The following PRRC2B variants were observed in gnomAD, a reference collection of about 807,000 sequenced individuals.
The protein encoded by PRRC2B is protein PRRC2B.
PRRC2B carries 68 observed loss-of-function variants against 242.3 expected under a neutral mutation model. That is an observed-to-expected ratio of 0.28 (90% CI 0.23 to 0.34). The LOEUF is 0.34. PRRC2B is among the 10% of genes least tolerant of loss of function. The pLI, the probability that PRRC2B is intolerant of heterozygous loss-of-function variation, is 1.00. For missense variants in PRRC2B, 2,835 were observed against 2,954.8 expected, an observed-to-expected ratio of 0.96 and a Z score of 0.94; for synonymous variants, 1,228 against 1,173.6, an observed-to-expected ratio of 1.05 and a Z score of -0.95.
chr9:131,408,266 A>G (rs914493034), intron 1 of PRRC2B, among the ~76,000 whole-genome samples: 4 of 152,282 alleles, frequency 2.6e-5, no homozygotes, highest in African/African-American at 9.6e-5. Flanking sequence ...CTTTCTATGG[A>G]CACAAACGAA....
intron 10 of PRRC2B, among the ~76,000 whole-genome samples, chr9:131,457,365 G>A (rs1943111360): frequency 6.6e-6 from 1 of 152,186 alleles, no homozygotes; most frequent in Non-Finnish European, 1.5e-5. Context: ...TCTCTTTGAG[G>A]CGATGGGAAC....
intron 13 of PRRC2B, among the ~76,000 whole-genome samples, chr9:131,470,548 T>C (rs926486722): frequency 6.6e-6 from 1 of 152,096 alleles, no homozygotes; most frequent in African/African-American, 2.4e-5. Context: ...CAGGCACAGA[T>C]GAGCCTCCAT....
intron 19 of PRRC2B, among the ~76,000 whole-genome samples, chr9:131,481,377 TTAGAAA>T (rs967230943): frequency 9.2e-5 from 14 of 151,462 alleles, no homozygotes; most frequent in African/African-American, 3.4e-4. Context: ...CTACCAACTT[TTAGAAA>T]TAGTATAAGT....
chr9:131,442,145 T>TG (rs1468152104), intron 5 of PRRC2B, among the ~76,000 whole-genome samples: 19 of 152,096 alleles, frequency 1.2e-4, no homozygotes, highest in Non-Finnish European at 1.9e-4. Flanking sequence ...TTTGTTTGTT[T>TG]TTTTTTAGGC....
At chr9:131,397,444 G>T (rs1367456036) in intron 1 of PRRC2B, among the ~76,000 whole-genome samples, 4 of 151,970 alleles carry the variant, frequency 2.6e-5, no homozygotes, top group Admixed American at 2.6e-4. Context: ...CCTTTGCCTT[G>T]TGCTTAGCTG....
At position 131,479,371 on chromosome 9, in the gene PRRC2B, G is replaced by A. The variant is rs996148234; in HGVS notation, c.4878G>A (p.Glu1626=). The A allele has an allele frequency of 1.1e-5, 17 of 1,613,810 alleles. No individual in the cohort carries two copies. The highest frequency in any genetic ancestry group is 2.2e-5 in the East Asian group (1 of 44,876). Residue 1626 remains glutamate (E), a synonymous_variant, in exon 19 of 32, where the codon GAG becomes GAA. Coordinates refer to ENST00000683519, the MANE Select transcript of PRRC2B (RefSeq NM_013318.4). ...TGCCTGGCAGCAGCCTGGGCACTGAGATCTGGGAGAGCAGCAGCCAGGGTG... is the reference window on the plus strand; with the variant it reads ...TGCCTGGCAGCAGCCTGGGCACTGAAATCTGGGAGAGCAGCAGCCAGGGTG... ...VTVPGSSLGT[E]IWESSSQALP... is the part of the protein sequence containing the mutation.
chr9:131,491,023 G>A (rs991234625), intron 28 of PRRC2B: 4 of 236,614 alleles, frequency 1.7e-5, no homozygotes, highest in African/African-American at 9.0e-5. Flanking sequence ...GCCCATGTTG[G>A]ACAGGGCCCT....
At chr9:131,488,216 G>C in intron 28 of PRRC2B, 120 bp downstream of exon 28, 1 of 1,369,294 alleles carries the variant, frequency 7.3e-7, no homozygotes, top group Non-Finnish European at 9.7e-7. Context: ...GGTAGCCACC[G>C]TGCCCATTCC....
chr9:131,491,298 T>C (rs773295573), intron 28 of PRRC2B, 127 bp from the exon 29 acceptor site: 3 of 962,752 alleles, frequency 3.1e-6, no homozygotes, highest in Non-Finnish European at 4.5e-6. Context: ...TGTCCTGCTT[T>C]ATGCAGGCTT....
intron 9 of PRRC2B, among the ~76,000 whole-genome samples, chr9:131,448,543 CAAAAAAA>C (rs754661321): frequency 0.03 from 1,208 of 39,822 alleles, 65 homozygotes; most frequent in Non-Finnish European, 0.031. Flanking sequence ...GACACTGTCT[CAAAAAAA>C]AAAAAAAAAA....
At chr9:131,410,634 T>G (rs747683286) in intron 1 of PRRC2B, among the ~76,000 whole-genome samples, 1 of 152,250 alleles carries the variant, frequency 6.6e-6, no homozygotes, top group Non-Finnish European at 1.5e-5. Flanking sequence ...GGAGCCTTCA[T>G]GTCTATAAAA....
In PRRC2B at chr9:131,486,155, G is replaced by A. The variant is rs777007357; in HGVS notation, c.5829G>A (p.Thr1943=). Residue 1943 remains threonine (T), a synonymous_variant, in exon 26 of 32, where the codon ACG becomes ACA. Coordinates refer to ENST00000683519, the MANE Select transcript of PRRC2B (RefSeq NM_013318.4). ...GTCAGCCCCGGCTGGTTCCTCAAACGATACCTCAGCAGCAGAGTTACCAAC... is the reference window on the plus strand; with the variant it reads ...GTCAGCCCCGGCTGGTTCCTCAAACAATACCTCAGCAGCAGAGTTACCAAC... ...FASQPRLVPQ[T]IPQQQSYQQA... The A allele has an allele frequency of 2.6e-5, 42 of 1,611,996 alleles. 1 individual carries two copies. The Admixed American group carries it at 6.5e-4, about 25-fold the overall frequency.
chr9:131,385,743 G>T (rs906593736), intron 1 of PRRC2B, among the ~76,000 whole-genome samples: 17 of 150,504 alleles, frequency 1.1e-4, no homozygotes, highest in African/African-American at 4.1e-4. Context: ...GCCCAGGCTG[G>T]AGTGCAGTGG....
intron 1 of PRRC2B, among the ~76,000 whole-genome samples, chr9:131,376,046 C>CAAAA (rs56400904): frequency 5.9e-4 from 43 of 72,968 alleles, no homozygotes; most frequent in African/African-American, 2.2e-3. Flanking sequence ...GAGACTGTCT[C>CAAAA]AAAAAAAAAA....
At chr9:131,381,288 A>G (rs2483468) in intron 1 of PRRC2B, among the ~76,000 whole-genome samples, 80,080 of 151,942 alleles carry the variant, frequency 0.53, 23,335 homozygotes, top group South Asian at 0.82. Context: ...GGACTTGGCC[A>G]TTCCTGTTCT....
rs144917418 is a variant in PRRC2B, at chr9:131,458,733, C to A, written c.1212-431C>A. The stretch of plus-strand genomic sequence containing the variant: ...GGCCTGGCTGATCTGGAACTCCTGA[C>A]CTCAAATGATCAGCCCGCCTCAGCC... On this transcript the variant is annotated intron_variant, in intron 10 of 31. Coordinates refer to ENST00000683519, the MANE Select transcript of PRRC2B (RefSeq NM_013318.4). Among the ~76,000 whole-genome samples, 146 of 152,276 alleles carry A rather than the reference C, an allele frequency of 9.6e-4. 1 individual carries two copies. In the East Asian group the frequency reaches 0.02, roughly 21 times the overall value.
chr9:131,490,845 CTTGGCTT>C, intron 28 of PRRC2B: 1 of 314,628 alleles, frequency 3.2e-6, no homozygotes, highest in East Asian at 7.7e-5. Flanking sequence ...TCTTTTGGGA[CTTGGCTT>C]CGCCATTACT....
At chr9:131,440,246 C>G (rs966332201) in intron 5 of PRRC2B, among the ~76,000 whole-genome samples, 2 of 152,138 alleles carry the variant, frequency 1.3e-5, no homozygotes, top group Non-Finnish European at 2.9e-5. Context: ...AGAGCATTCA[C>G]TGGACTTGTA....
intron 1 of PRRC2B, among the ~76,000 whole-genome samples, chr9:131,388,703 T>G (rs1836858107): frequency 6.7e-6 from 1 of 148,524 alleles, no homozygotes; most frequent in South Asian, 2.1e-4. Flanking sequence ...GCCACTATGC[T>G]CAGCTAATTT....
Sources: gnomAD v4.1 joint callset for allele counts (sites outside exome capture counted in the v4.1 genomes callset) on GRCh38, gnomAD v4.1.1 for gene constraint, MANE v1.5 for transcripts, NCBI Gene and HGNC (gene_info 2026-07-23, HGNC 2026-07-21) for gene names.